THSD7A: variants seen among roughly 807,000 people sequenced by gnomAD.
THSD7A encodes thrombospondin type 1 domain containing 7A.
Under a neutral mutation model 231.3 loss-of-function variants are expected in THSD7A, and 96 were observed. The ratio of observed to expected loss-of-function variants is 0.41; its 90% CI spans 0.35 to 0.49. THSD7A has a LOEUF of 0.49. THSD7A is among the 20% of genes least tolerant of loss of function. The pLI, the probability that THSD7A is intolerant of heterozygous loss-of-function variation, is 0.05. For synonymous variants in THSD7A, 940 were observed against 743.3 expected (o/e 1.26, Z -4.30); for missense variants, 2,290 against 2,070.2 (o/e 1.11, Z -2.06).
At chr7:11,731,978 T>G (rs1386002347) in intron 1 of THSD7A, among the ~76,000 whole-genome samples, 1 of 151,716 alleles carries the variant, frequency 6.6e-6, no homozygotes, top group Non-Finnish European at 1.5e-5. Context: ...CATGTTGCTA[T>G]GTGTTCCAGG....
intron 6 of THSD7A, among the ~76,000 whole-genome samples, chr7:11,530,841 T>A (rs555226885): frequency 6.6e-6 from 1 of 152,076 alleles, no homozygotes; most frequent in Non-Finnish European, 1.5e-5. Flanking sequence ...TGAAGCCTGG[T>A]CTCTACTAAA....
At chr7:11,557,412 T>C (rs192631956) in intron 4 of THSD7A, among the ~76,000 whole-genome samples, 35 of 152,254 alleles carry the variant, frequency 2.3e-4, no homozygotes, top group Middle Eastern at 3.4e-3. Context: ...GGCTTCCTTA[T>C]ATCTTGTTGG....
chr7:11,747,628 T>TA (rs952842148), intron 1 of THSD7A, among the ~76,000 whole-genome samples: 7 of 151,818 alleles, frequency 4.6e-5, no homozygotes, highest in South Asian at 2.1e-4. Flanking sequence ...TCTCTACCTG[T>TA]AAAAAAATGA....
intron 6 of THSD7A, among the ~76,000 whole-genome samples, chr7:11,517,995 G>C (rs962227488): frequency 7.2e-5 from 11 of 152,302 alleles, no homozygotes; most frequent in Admixed American, 4.6e-4. Context: ...GAGATGAAAA[G>C]GGAACTGCCT....
At chr7:11,596,560 C>T (rs1445269242) in intron 2 of THSD7A, among the ~76,000 whole-genome samples, 1 of 152,138 alleles carries the variant, frequency 6.6e-6, no homozygotes, top group African/African-American at 2.4e-5. Flanking sequence ...CAAACGGAAG[C>T]CATTAGAGCT....
At chr7:11,799,019 T>A (rs1784205599) in intron 1 of THSD7A, among the ~76,000 whole-genome samples, 1 of 151,748 alleles carries the variant, frequency 6.6e-6, no homozygotes, top group Non-Finnish European at 1.5e-5. Context: ...GCCTCCCGGG[T>A]TCAAGTGATT....
intron 6 of THSD7A, among the ~76,000 whole-genome samples, chr7:11,527,866 G>A (rs1788543507): frequency 6.6e-6 from 1 of 152,092 alleles, no homozygotes; most frequent in South Asian, 2.1e-4. Context: ...ATTAAACATA[G>A]CTTCAGGCTC....
chr7:11,463,403 T>A (rs1785577910), intron 9 of THSD7A, among the ~76,000 whole-genome samples: 5 of 152,112 alleles, frequency 3.3e-5, no homozygotes. Flanking sequence ...TCTGGGCCTA[T>A]ACCCAGGACT....
chr7:11,748,072 A>G (rs1782369042), intron 1 of THSD7A, among the ~76,000 whole-genome samples: 1 of 151,952 alleles, frequency 6.6e-6, no homozygotes. Flanking sequence ...GGGAAGTTAT[A>G]TAATATTTCT....
At chr7:11,448,841 G>A (rs935111682) in intron 11 of THSD7A, among the ~76,000 whole-genome samples, 1 of 151,988 alleles carries the variant, frequency 6.6e-6, no homozygotes, top group Non-Finnish European at 1.5e-5. Flanking sequence ...TTTTCATTTA[G>A]TACACATGAC....
rs566969659 is a variant in THSD7A at position 11,651,535 on chromosome 7, TGAA to T, written c.191-14577_191-14575del. Among the ~76,000 whole-genome samples, 230 of 150,270 alleles carry T rather than the reference TGAA, an allele frequency of 1.5e-3. 1 individual carries two copies. The highest frequency in any genetic ancestry group is 5.4e-3 in the African/African-American group (222 of 40,798). On this transcript the variant is annotated intron_variant, in intron 1 of 27. Coordinates refer to ENST00000423059, the MANE Select transcript of THSD7A (RefSeq NM_015204.3). ...TCTATCTATCTATCTAGCACTACAA[TGAA>T]CTATAGCCCACCCTTTTTTAGTCAT...
chr7:11,691,318 T>G (rs1405471165), intron 1 of THSD7A, among the ~76,000 whole-genome samples: 2 of 151,468 alleles, frequency 1.3e-5, no homozygotes, highest in Non-Finnish European at 3.0e-5. Flanking sequence ...ACCATGCAAG[T>G]TGCAATTGTA....
In THSD7A at chr7:11,572,594, A is replaced by G. The variant is rs191475128; in HGVS notation, c.1453+17866T>C. ...CGCAATCATAGCTCACTGAAGCCTC[A>G]ACCTCCTAGGCTCAGTGATCCTCCC... On this transcript the variant is annotated intron_variant, in intron 4 of 27. Coordinates refer to ENST00000423059, the MANE Select transcript of THSD7A (RefSeq NM_015204.3). 4.4e-3 allele frequency among the ~76,000 whole-genome samples: 667 copies of G among 152,210 alleles called. 15 individuals carry two copies. Among genetic ancestry groups the G allele is most frequent in the East Asian group, 2.5e-3 (13 of 5,162 alleles).
At chr7:11,611,006 T>C (rs1254791502) in intron 2 of THSD7A, among the ~76,000 whole-genome samples, 1 of 152,180 alleles carries the variant, frequency 6.6e-6, no homozygotes. Context: ...TCTATTTAAA[T>C]GCCTGTTTGA....
rs370932198 is a variant in THSD7A, at chr7:11,590,472, T to C, written c.1441A>G (p.Lys481Glu). ...ENLLSQLSTHKNKEASKPMDL... is the reference protein window; with the variant it reads ...ENLLSQLSTHENKEASKPMDL... Reference sequence around the variant, plus strand: ...AAGCAAAGGTTACCTTCTTTGTTCTTGTGGGTACTTAATTGTGAGAGGAGG... The same window carrying C: ...AAGCAAAGGTTACCTTCTTTGTTCTCGTGGGTACTTAATTGTGAGAGGAGG... Residue 481 changes from lysine to glutamate, a missense_variant, in exon 4 of 28, where the codon AAG (lysine) becomes GAG (glutamate). Physicochemically the swap from Lys to Glu is moderately conservative, Grantham distance 56. Coordinates refer to ENST00000423059, the MANE Select transcript of THSD7A (RefSeq NM_015204.3). This position sits in a 1 kb window ranked among gnomAD's most constrained non-coding sequence, Gnocchi z 4.4. The C allele has an allele frequency of 1.6e-5, 25 of 1,611,234 alleles. No individual in the cohort carries two copies. The African/African-American group carries it at 2.9e-4, about 19-fold the overall frequency.
At chr7:11,403,818 C>T (rs775485183) in intron 22 of THSD7A, among the ~76,000 whole-genome samples, 11 of 152,178 alleles carry the variant, frequency 7.2e-5, no homozygotes, top group Non-Finnish European at 1.2e-4. Flanking sequence ...ACACACTTTT[C>T]TATTTTGACC....
intron 4 of THSD7A, among the ~76,000 whole-genome samples, chr7:11,566,921 G>A (rs1018276864): frequency 8.4e-4 from 123 of 145,876 alleles, no homozygotes; most frequent in African/African-American, 3.1e-3. Context: ...TTTGTGAGCT[G>A]ATAAAACCGC....
At chr7:11,421,872 A>T (rs1338395018) in intron 16 of THSD7A, among the ~76,000 whole-genome samples, 2 of 152,180 alleles carry the variant, frequency 1.3e-5, no homozygotes, top group East Asian at 3.9e-4. Flanking sequence ...ATTTATACTT[A>T]CAGGCTTTAT....
At chr7:11,593,171 TG>T in intron 3 of THSD7A, 82 bp downstream of exon 3, 1 of 1,509,324 alleles carries the variant, frequency 6.6e-7, no homozygotes, top group South Asian at 1.3e-5. Context: ...AAATTACTGT[TG>T]CTTAGAGTAC....
Sources: gnomAD v4.1 joint callset for allele counts (sites outside exome capture counted in the v4.1 genomes callset) on GRCh38, gnomAD v4.1.1 for gene constraint, Gnocchi (gnomAD v3.1) non-coding constraint, MANE v1.5 for transcripts, NCBI Gene and HGNC (gene_info 2026-07-23, HGNC 2026-07-21) for gene names.